Variants in LNP1 observed in about 807,000 individuals in gnomAD.
LNP1 encodes leukemia NUP98 fusion partner 1.
In LNP1, 12 loss-of-function variants were observed where a neutral mutation model predicts 14.5. The ratio of observed to expected loss-of-function variants is 0.83; its 90% confidence interval spans 0.53 to 1.34. LNP1 has a LOEUF of 1.34. Ranked by LOEUF, LNP1 falls within the 40% of genes most tolerant of loss-of-function variation. The pLI is 0.00. For synonymous variants in LNP1, 75 were observed against 71.4 expected (o/e 1.05, Z -0.26); for missense variants, 198 against 210.9 (o/e 0.94, Z 0.38).
chr3:100,406,580 G>C (rs1279847857), intron 1 of LNP1, among the ~76,000 whole-genome samples: 3 of 152,070 alleles, frequency 2.0e-5, no homozygotes, highest in Non-Finnish European at 2.9e-5. Flanking sequence ...TGTTGCCCAG[G>C]CTGGAGTGCA....
At chr3:100,439,641 C>A (rs150371710) in intron 2 of LNP1, among the ~76,000 whole-genome samples, 3 of 152,068 alleles carry the variant, frequency 2.0e-5, no homozygotes, top group African/African-American at 7.2e-5. Flanking sequence ...TATAGTTTTA[C>A]CCCGTTCTAC....
chr3:100,455,299 G>T (rs1707500107), intron 3 of LNP1, among the ~76,000 whole-genome samples: 1 of 152,178 alleles, frequency 6.6e-6, no homozygotes, highest in Non-Finnish European at 1.5e-5. Flanking sequence ...ATGTCGGGGG[G>T]TGTTAATCTG....
intron 2 of LNP1, among the ~76,000 whole-genome samples, chr3:100,435,452 T>C (rs1474593484): frequency 6.6e-6 from 1 of 152,234 alleles, no homozygotes; most frequent in Non-Finnish European, 1.5e-5. Flanking sequence ...CAATAAGTAA[T>C]GTATATACAG....
chr3:100,455,314 G>A (rs1283488121), intron 3 of LNP1, among the ~76,000 whole-genome samples: 1 of 152,054 alleles, frequency 6.6e-6, no homozygotes, highest in Non-Finnish European at 1.5e-5. Flanking sequence ...AATCTGGTTG[G>A]GCGTCATTCC....
Position 100,406,042 on chromosome 3 carries a change from T to A in LNP1, c.-34+3603T>A, listed in dbSNP as rs186889760. Among the ~76,000 whole-genome samples the A allele has an allele frequency of 2.7e-3, 413 of 152,274 alleles. 1 individual carries two copies. Among genetic ancestry groups the A allele is most frequent in the African/African-American group, 9.1e-3 (376 of 41,542 alleles). Reference sequence around the variant, plus strand: ...GGCTTGTGCCTGTAATCCCAACACTTTGGGAGGCCGAAGCGGGTGGATCAC... The same window carrying A: ...GGCTTGTGCCTGTAATCCCAACACTATGGGAGGCCGAAGCGGGTGGATCAC... On this transcript the variant is annotated intron_variant, in intron 1 of 3. Transcript: ENST00000383693.
chr3:100,413,668 G>A (rs1446384547), intron 1 of LNP1, among the ~76,000 whole-genome samples: 2 of 152,184 alleles, frequency 1.3e-5, no homozygotes, highest in South Asian at 2.1e-4. Flanking sequence ...TGCTCATGGT[G>A]CCCTACACAA....
At chr3:100,449,039 G>A (rs1319153151) in intron 2 of LNP1, among the ~76,000 whole-genome samples, 1 of 152,172 alleles carries the variant, frequency 6.6e-6, no homozygotes, top group African/African-American at 2.4e-5. Flanking sequence ...GTGCTAGAGG[G>A]AGATTAAAGA....
At chr3:100,409,604 A>T (rs868653749) in intron 1 of LNP1, among the ~76,000 whole-genome samples, 2 of 87,638 alleles carry the variant, frequency 2.3e-5, no homozygotes, top group Admixed American at 1.2e-4. Context: ...ATATATATAT[A>T]TATTTTTTTT....
chr3:100,436,984 C>T (rs1292690501), intron 2 of LNP1, among the ~76,000 whole-genome samples: 2 of 152,152 alleles, frequency 1.3e-5, no homozygotes, highest in Non-Finnish European at 2.9e-5. Context: ...AGGAAGAGAG[C>T]CCTCACCAGG....
intron 2 of LNP1, among the ~76,000 whole-genome samples, chr3:100,431,484 A>T (rs1380598417): frequency 2.0e-5 from 3 of 152,174 alleles, no homozygotes; most frequent in Admixed American, 2.0e-4. Context: ...TAACATGCAG[A>T]ATAAAAATTG....
chr3:100,409,589 CACAT>C (rs1293460378), intron 1 of LNP1, among the ~76,000 whole-genome samples: 67 of 98,398 alleles, frequency 6.8e-4, no homozygotes, highest in African/African-American at 3.1e-3. Flanking sequence ...CACACACACA[CACAT>C]ATATATATAT....
At chr3:100,415,306 C>T (rs1287349257) in intron 1 of LNP1, among the ~76,000 whole-genome samples, 1 of 152,072 alleles carries the variant, frequency 6.6e-6, no homozygotes, top group African/African-American at 2.4e-5. Flanking sequence ...AAAAAGACAA[C>T]TCTGAAGAAA....
intron 2 of LNP1, among the ~76,000 whole-genome samples, chr3:100,446,841 C>T (rs1707393040): frequency 6.6e-6 from 1 of 152,084 alleles, no homozygotes; most frequent in African/African-American, 2.4e-5. Context: ...CCAACAGACA[C>T]ATGAAAAAAT....
chr3:100,409,067 T>C lies in LNP1; in HGVS notation c.-34+6628T>C, dbSNP rs1440955578. Among the ~76,000 whole-genome samples, 5 of 152,182 alleles carry C rather than the reference T, an allele frequency of 3.3e-5. 1 individual carries two copies. The East Asian group carries it at 9.6e-4, about 29-fold the overall frequency. On this transcript the variant is annotated intron_variant, in intron 1 of 3. Transcript: ENST00000383693. ...GTTTTGGATGAGATTGATACTTGAA[T>C]TGGCAGAGTGAGTAAAGCAGATTGC...
intron 1 of LNP1, among the ~76,000 whole-genome samples, chr3:100,410,236 G>A (rs568489911): frequency 6.6e-6 from 1 of 152,066 alleles, no homozygotes; most frequent in Admixed American, 6.6e-5. Flanking sequence ...TTTTGGTGAG[G>A]GGTCAGAAAG....
intron 3 of LNP1, among the ~76,000 whole-genome samples, chr3:100,454,554 T>A (rs1162078589): frequency 6.6e-6 from 1 of 152,226 alleles, no homozygotes; most frequent in Non-Finnish European, 1.5e-5. Flanking sequence ...TGTTTCTGTG[T>A]CCTGATCATG....
intron 2 of LNP1, 154 bp from the exon 3 acceptor site, chr3:100,451,565 G>T (rs1707438019): frequency 3.4e-6 from 2 of 594,630 alleles, no homozygotes; most frequent in African/African-American, 3.7e-5. Flanking sequence ...TTAGCTTAGT[G>T]ATTTGGGGGC....
intron 1 of LNP1, among the ~76,000 whole-genome samples, chr3:100,410,004 T>C (rs1707014314): frequency 6.6e-6 from 1 of 152,092 alleles, no homozygotes; most frequent in African/African-American, 2.4e-5. Flanking sequence ...TCTATCTACC[T>C]ATTTTATCTG....
At chr3:100,411,476 G>A (rs1215122359) in intron 1 of LNP1, among the ~76,000 whole-genome samples, 2 of 152,200 alleles carry the variant, frequency 1.3e-5, no homozygotes, top group Admixed American at 6.5e-5. Flanking sequence ...CATGAATTTT[G>A]GAGGCCAGAT....
Sources: allele counts gnomAD v4.1 joint callset (sites outside exome capture counted in the v4.1 genomes callset), GRCh38; gene constraint gnomAD v4.1.1; transcripts MANE v1.5; gene names NCBI Gene and HGNC (gene_info 2026-07-23, HGNC 2026-07-21).